Variants in MB21D2 observed in about 807,000 individuals in gnomAD.
MB21D2 encodes the protein Mab-21 domain containing 2.
Under a neutral mutation model 33.3 loss-of-function variants are expected in MB21D2, and 9 were observed. That is an observed-to-expected ratio of 0.27 (90% CI 0.16 to 0.47). MB21D2 has a LOEUF of 0.47. Ranked by LOEUF, MB21D2 falls within the 20% of genes least tolerant of loss-of-function variation. The pLI, the probability that MB21D2 is intolerant of heterozygous loss-of-function variation, is 0.99. For synonymous variants in MB21D2, 241 were observed against 236.3 expected (o/e 1.02, Z -0.18); for missense variants, 540 against 624.6 (o/e 0.86, Z 1.44).
intron 1 of MB21D2, among the ~76,000 whole-genome samples, chr3:192,849,387 G>A (rs1183908359): frequency 1.3e-5 from 2 of 151,160 alleles, no homozygotes; most frequent in African/African-American, 2.4e-5. Context: ...GCGCGATCTC[G>A]GCTCACTGCA....
chr3:192,904,102 T>C (rs1320367550), intron 1 of MB21D2, among the ~76,000 whole-genome samples: 1 of 152,174 alleles, frequency 6.6e-6, no homozygotes, highest in Non-Finnish European at 1.5e-5. Context: ...CTAACATACA[T>C]AAAGTAATTA....
intron 1 of MB21D2, among the ~76,000 whole-genome samples, chr3:192,827,116 T>G (rs2108618638): frequency 6.6e-6 from 1 of 152,234 alleles, no homozygotes; most frequent in East Asian, 1.9e-4. Context: ...CAGGATGGTC[T>G]CGATCTCCTG....
At chr3:192,889,191 C>T (rs946380138) in intron 1 of MB21D2, among the ~76,000 whole-genome samples, 8 of 152,014 alleles carry the variant, frequency 5.3e-5, no homozygotes, top group African/African-American at 1.9e-4. Flanking sequence ...GCAGAGAAAC[C>T]CTTCTGACAA....
chr3:192,878,031 T>C (rs62293230), intron 1 of MB21D2, among the ~76,000 whole-genome samples: 16,800 of 148,260 alleles, frequency 0.11, 1,228 homozygotes, highest in Middle Eastern at 0.31. Context: ...GGAGAAGCCA[T>C]ATACTAGGCA....
At chr3:192,824,320 AT>A (rs1332480071) in intron 1 of MB21D2, among the ~76,000 whole-genome samples, 1 of 151,958 alleles carries the variant, frequency 6.6e-6, no homozygotes, top group Non-Finnish European at 1.5e-5. Flanking sequence ...TGTATTTTAA[AT>A]TTTTTTTAAT....
At chr3:192,876,505 C>T (rs969685525) in intron 1 of MB21D2, among the ~76,000 whole-genome samples, 1 of 152,218 alleles carries the variant, frequency 6.6e-6, no homozygotes, top group Admixed American at 6.5e-5. Context: ...CTTTGTTAGT[C>T]CATTCCACCG....
intron 1 of MB21D2, among the ~76,000 whole-genome samples, chr3:192,883,899 A>C (rs1403596403): frequency 6.6e-6 from 1 of 152,102 alleles, no homozygotes; most frequent in East Asian, 1.9e-4. Flanking sequence ...TAAAATAAAA[A>C]AATAAGTTCT....
intron 1 of MB21D2, among the ~76,000 whole-genome samples, chr3:192,859,312 C>T (rs191264207): frequency 1.3e-3 from 193 of 152,322 alleles, no homozygotes; most frequent in African/African-American, 4.4e-3. Context: ...TGCATACTCT[C>T]TCATCTTCCA....
rs368648210 is a variant in MB21D2, at chr3:192,798,713, G to T, written c.1149C>A (p.Asn383Lys). The T allele has an allele frequency of 6.2e-7, 1 of 1,613,288 alleles. No homozygotes were observed. The highest frequency in any genetic ancestry group is 1.3e-5 in the African/African-American group (1 of 74,928). The change falls in exon 2 of 2, where the codon AAC becomes AAA. Residue 383 changes from asparagine to lysine, a missense_variant. Transcript: ENST00000392452. This position sits in a 1 kb window ranked among gnomAD's most constrained non-coding sequence, Gnocchi z 4.8. ...MCPNYFIPQC[N>K]MLEHLSEETV... ...TCTCCTCAGACAGATGTTCCAGCAT[G>T]TTGCACTGAGGGATGAAATAATTGG... is the stretch of plus-strand genomic sequence containing the variant.
At chr3:192,917,482 G>C in intron 1 of MB21D2, 148 bp downstream of exon 1, 3 of 707,914 alleles carry the variant, frequency 4.2e-6, no homozygotes, top group Non-Finnish European at 7.0e-6. Context: ...AAAGAAGAGA[G>C]AGGCGGAACA....
chr3:192,903,179 C>T (rs77304863), intron 1 of MB21D2, among the ~76,000 whole-genome samples: 2,636 of 152,340 alleles, frequency 0.017, 78 homozygotes, highest in African/African-American at 0.061. Flanking sequence ...CAGCAGAATC[C>T]TCCCTGGAGC....
chr3:192,899,346 T>G (rs1714044882), intron 1 of MB21D2, among the ~76,000 whole-genome samples: 1 of 152,026 alleles, frequency 6.6e-6, no homozygotes, highest in Non-Finnish European at 1.5e-5. Flanking sequence ...CTGACTAACA[T>G]GGTGAAACCC....
Position 192,799,464 on chromosome 3 carries a change from G to A in MB21D2, c.398C>T (p.Pro133Leu), listed in dbSNP as rs1232862907. The A allele has an allele frequency of 1.2e-6, 2 of 1,614,116 alleles. No homozygotes were observed. The highest frequency in any genetic ancestry group is 1.7e-6 in the Non-Finnish European group (2 of 1,180,060). ...TGAGTGGCGCATGTCGAGTGTCACA[G>A]GCTGATTACGGTCATGCAGCTTGAG... ...PALKLHDRNQ[P>L]VTLDMRHSAL... is the part of the protein sequence containing the mutation. The change falls in exon 2 of 2, where the codon CCT becomes CTT. Residue 133 changes from proline (P) to leucine (L), a missense_variant. Transcript: ENST00000392452. The surrounding 1 kb of genome is among the most constrained non-coding windows in gnomAD (Gnocchi z 4.1).
chr3:192,870,327 C>G (rs770199950), intron 1 of MB21D2, among the ~76,000 whole-genome samples: 1 of 152,164 alleles, frequency 6.6e-6, no homozygotes, highest in Admixed American at 6.5e-5. Flanking sequence ...AAGCCCAAGA[C>G]TAGTGAGCAC....
intron 1 of MB21D2, among the ~76,000 whole-genome samples, chr3:192,873,420 C>A (rs898268783): frequency 6.6e-6 from 1 of 152,104 alleles, no homozygotes; most frequent in African/African-American, 2.4e-5. Context: ...TTCTCAGGAC[C>A]GCAAGTAACC....
chr3:192,854,292 T>C (rs532018214), intron 1 of MB21D2, among the ~76,000 whole-genome samples: 89 of 152,308 alleles, frequency 5.8e-4, no homozygotes, highest in South Asian at 2.5e-3. Flanking sequence ...TTAAACAGCA[T>C]TGTTGTTAAT....
chr3:192,850,085 A>T (rs918726232), intron 1 of MB21D2, among the ~76,000 whole-genome samples: 5 of 151,860 alleles, frequency 3.3e-5, no homozygotes, highest in Non-Finnish European at 5.9e-5. Context: ...CACCAGGCTA[A>T]TTTTTTGCAT....
chr3:192,863,383 A>G (rs1316046498), intron 1 of MB21D2, among the ~76,000 whole-genome samples: 1 of 152,212 alleles, frequency 6.6e-6, no homozygotes, highest in East Asian at 1.9e-4. Context: ...CAACTCGGTG[A>G]CATTCTGTCT....
At chr3:192,813,080 C>T (rs1166024348) in intron 1 of MB21D2, among the ~76,000 whole-genome samples, 1 of 152,080 alleles carries the variant, frequency 6.6e-6, no homozygotes, top group Non-Finnish European at 1.5e-5. Context: ...CAGTCCCAGG[C>T]CTATTTACTT....
Sources: allele counts gnomAD v4.1 joint callset (sites outside exome capture counted in the v4.1 genomes callset), GRCh38; gene constraint gnomAD v4.1.1; non-coding constraint Gnocchi (gnomAD v3.1); transcripts MANE v1.5; gene names NCBI Gene and HGNC (gene_info 2026-07-23, HGNC 2026-07-21).